SYNDIG1: variants seen among roughly 807,000 people sequenced by gnomAD.
SYNDIG1 encodes the protein synapse differentiation inducing 1.
In SYNDIG1, 9 loss-of-function variants were observed where a neutral mutation model predicts 19.4. The ratio of observed to expected loss-of-function variants is 0.46; its 90% CI spans 0.28 to 0.81. The LOEUF (loss-of-function observed/expected upper bound fraction) is 0.81, where lower values mean the gene tolerates loss of function less well. Ranked by LOEUF, SYNDIG1 falls within the 30% of genes least tolerant of loss-of-function variation. The pLI is 0.12. For synonymous variants in SYNDIG1, 141 were observed against 145.9 expected (o/e 0.97, Z 0.24); for missense variants, 311 against 343.3 (o/e 0.91, Z 0.74).
intron 1 of SYNDIG1, among the ~76,000 whole-genome samples, chr20:24,517,316 TA>T (rs2056894398): frequency 6.7e-6 from 1 of 148,610 alleles, no homozygotes; most frequent in African/African-American, 2.5e-5. Context: ...AAAAAATAAA[TA>T]AATAAATATA....
chr20:24,479,743 C>A (rs187551920), intron 1 of SYNDIG1, among the ~76,000 whole-genome samples: 1 of 152,338 alleles, frequency 6.6e-6, no homozygotes, highest in East Asian at 1.9e-4. Context: ...GTGCCTCTTG[C>A]CTCCAGGACT....
intron 3 of SYNDIG1, among the ~76,000 whole-genome samples, chr20:24,622,289 T>C (rs1267922412): frequency 2.0e-5 from 3 of 152,120 alleles, no homozygotes; most frequent in Non-Finnish European, 4.4e-5. Flanking sequence ...ACCTTGAGGA[T>C]AGGTGAAAGG....
chr20:24,500,630 C>T (rs564510868), intron 1 of SYNDIG1, among the ~76,000 whole-genome samples: 5 of 151,374 alleles, frequency 3.3e-5, no homozygotes, highest in South Asian at 2.1e-4. Context: ...TGTTACAGAT[C>T]GTAAAACCCA....
Position 24,518,028 on chromosome 20 carries a change from G to T in SYNDIG1, c.-78-24992G>T, listed in dbSNP as rs141450158. ...CTCCGTGTTAGCCAGTATGGGTCTT[G>T]ATCTCTTGATCTCGTGATCCACCTG... On this transcript the variant is annotated intron_variant, in intron 1 of 3. Transcript: ENST00000376862. Among the ~76,000 whole-genome samples the T allele has an allele frequency of 4.1e-4, 62 of 151,738 alleles. No homozygotes were observed. The East Asian group carries it at 0.012, about 28-fold the overall frequency.
At chr20:24,631,916 C>T (rs2059249889) in intron 3 of SYNDIG1, among the ~76,000 whole-genome samples, 1 of 152,218 alleles carries the variant, frequency 6.6e-6, no homozygotes, top group Admixed American at 6.5e-5. Flanking sequence ...GTGTTGGTGA[C>T]TTCTGAAACC....
intron 3 of SYNDIG1, among the ~76,000 whole-genome samples, chr20:24,595,162 T>A (rs2058576772): frequency 6.6e-6 from 1 of 152,200 alleles, no homozygotes; most frequent in Admixed American, 6.5e-5. Context: ...GATAAATGGC[T>A]CTTATTATTT....
At chr20:24,636,156 G>A (rs993283522) in intron 3 of SYNDIG1, among the ~76,000 whole-genome samples, 1 of 152,072 alleles carries the variant, frequency 6.6e-6, no homozygotes, top group Non-Finnish European at 1.5e-5. Context: ...ATATGAGACT[G>A]GGCTGCAAAT....
intron 3 of SYNDIG1, among the ~76,000 whole-genome samples, chr20:24,607,123 G>T (rs1275579711): frequency 6.6e-6 from 1 of 152,118 alleles, no homozygotes; most frequent in Non-Finnish European, 1.5e-5. Context: ...ACTTTGGGAG[G>T]CTGAGGCAGT....
intron 1 of SYNDIG1, among the ~76,000 whole-genome samples, chr20:24,500,525 TC>T (rs1477705671): frequency 2.4e-4 from 35 of 143,724 alleles, no homozygotes; most frequent in African/African-American, 8.0e-4. Context: ...TTTCTTTCTT[TC>T]TTTCTTCTTT....
chr20:24,531,430 A>T (rs2057257217), intron 1 of SYNDIG1, among the ~76,000 whole-genome samples: 1 of 152,174 alleles, frequency 6.6e-6, no homozygotes, highest in Admixed American at 6.5e-5. Flanking sequence ...TTTAAAAAAA[A>T]TCTAGACTTA....
At chr20:24,627,042 G>T (rs987548707) in intron 3 of SYNDIG1, among the ~76,000 whole-genome samples, 14 of 152,142 alleles carry the variant, frequency 9.2e-5, no homozygotes, top group African/African-American at 3.4e-4. Flanking sequence ...TCCAGCTTCG[G>T]CTCGGCATGA....
At chr20:24,645,519 A>C (rs2059414934) in intron 3 of SYNDIG1, among the ~76,000 whole-genome samples, 1 of 152,214 alleles carries the variant, frequency 6.6e-6, no homozygotes. Flanking sequence ...TCCAGAGAAA[A>C]GAGGGAGAGA....
intron 1 of SYNDIG1, among the ~76,000 whole-genome samples, chr20:24,498,309 A>G (rs1247213696): frequency 6.6e-6 from 1 of 152,216 alleles, no homozygotes; most frequent in Non-Finnish European, 1.5e-5. Context: ...AGTATTTGTG[A>G]TAAGAACACT....
At chr20:24,519,731 C>A (rs1012419986) in intron 1 of SYNDIG1, among the ~76,000 whole-genome samples, 1 of 152,076 alleles carries the variant, frequency 6.6e-6, no homozygotes, top group Non-Finnish European at 1.5e-5. Flanking sequence ...ACTCATGCAA[C>A]CCTCAGTGCA....
At chr20:24,568,022 T>C (rs2058082292) in intron 2 of SYNDIG1, among the ~76,000 whole-genome samples, 1 of 152,016 alleles carries the variant, frequency 6.6e-6, no homozygotes. Flanking sequence ...GTGCCTGTAA[T>C]CCCAGCTACT....
Position 24,584,922 on chromosome 20 carries a change from G to C in SYNDIG1, c.547G>C (p.Gly183Arg). Residue 183 changes from glycine to arginine, a missense_variant, in exon 3 of 4, where the codon GGC (glycine) becomes CGC (arginine). Coordinates refer to ENST00000376862, the MANE Select transcript of SYNDIG1 (RefSeq NM_024893.3). Reference protein sequence around the residue: ...FLMMPPRDHLGLSVFSMLCCF... With the variant: ...FLMMPPRDHLRLSVFSMLCCF... ...CATGATGCCCCCGCGGGACCACCTG[G>C]GCCTCAGTGTCTTCTCCATGCTCTG... 1.2e-6 allele frequency: 2 copies of C among 1,614,038 alleles called. No homozygotes were observed. The highest frequency in any genetic ancestry group is 1.7e-6 in the Non-Finnish European group (2 of 1,180,034).
chr20:24,482,152 G>T (rs2055815857), intron 1 of SYNDIG1, among the ~76,000 whole-genome samples: 1 of 152,160 alleles, frequency 6.6e-6, no homozygotes, highest in Non-Finnish European at 1.5e-5. Flanking sequence ...GACTAAGAAA[G>T]AAATACATGG....
chr20:24,596,462 T>C (rs1260734864), intron 3 of SYNDIG1, among the ~76,000 whole-genome samples: 1 of 152,028 alleles, frequency 6.6e-6, no homozygotes, highest in Non-Finnish European at 1.5e-5. Context: ...CACTGCAACC[T>C]CCATCTCCCG....
intron 3 of SYNDIG1, among the ~76,000 whole-genome samples, chr20:24,647,573 G>A (rs573682701): frequency 2.0e-4 from 30 of 152,018 alleles, no homozygotes; most frequent in African/African-American, 4.3e-4. Flanking sequence ...TGTCAATTTC[G>A]TGTGGAAATA....
Sources: allele counts gnomAD v4.1 joint callset (sites outside exome capture counted in the v4.1 genomes callset), GRCh38; gene constraint gnomAD v4.1.1; transcripts MANE v1.5; gene names NCBI Gene and HGNC (gene_info 2026-07-23, HGNC 2026-07-21).